SH3RF2: variants seen among roughly 807,000 people sequenced by gnomAD.
The protein encoded by SH3RF2 is SH3 domain containing ring finger 2, also known as E3 ubiquitin-protein ligase SH3RF2.
Under a neutral mutation model 59.0 loss-of-function variants are expected in SH3RF2, and 43 were observed. The ratio of observed to expected loss-of-function variants is 0.73; its 90% CI spans 0.57 to 0.94. The LOEUF (loss-of-function observed/expected upper bound fraction) is 0.94, where lower values mean the gene tolerates loss of function less well. Among genes scored for constraint, SH3RF2 ranks in the 40% least tolerant of loss-of-function variants. The probability of loss-of-function intolerance (pLI) is 0.00; values close to 1 mark genes in which losing one functional copy is unlikely to be tolerated. For synonymous variants in SH3RF2, 391 were observed against 391.5 expected (o/e 1.00, Z 0.01); for missense variants, 930 against 940.1 (o/e 0.99, Z 0.14).
At position 146,013,988 on chromosome 5, in the gene SH3RF2, T is replaced by G. The variant is rs1223986393; in HGVS notation, c.986T>G (p.Ile329Ser). Residue 329 changes from isoleucine to serine, a missense_variant, in exon 5 of 10, where the codon ATC becomes AGC. By Grantham distance (142) the Ile-to-Ser change is moderately radical. Coordinates refer to ENST00000359120, the MANE Select transcript of SH3RF2 (RefSeq NM_152550.4). Reference protein sequence around the residue: ...HMVEISTPVLISSSNPSVITQ... With the variant: ...HMVEISTPVLSSSSNPSVITQ... ...GTAGAGATCAGCACCCCAGTGCTCA[T>G]CAGCTCCAGCAACCCCTCTGTGATC... 6.2e-7 allele frequency: 1 copy of G among 1,614,098 alleles called. No homozygotes were observed. The highest frequency in any genetic ancestry group is 1.7e-5 in the Admixed American group (1 of 60,014).
chr5:145,967,820 C>T (rs115627749), intron 2 of SH3RF2, among the ~76,000 whole-genome samples: 3,036 of 152,096 alleles, frequency 0.02, 45 homozygotes, highest in South Asian at 0.042. Context: ...GCACCACACC[C>T]GGCGAAGTTT....
At chr5:146,056,325 C>T in intron 8 of SH3RF2, 112 bp downstream of exon 8, 1 of 1,478,856 alleles carries the variant, frequency 6.8e-7, no homozygotes. Context: ...AAACTAAGCC[C>T]CTGCAAAGGG....
At chr5:146,044,139 GT>G (rs1184747239) in intron 5 of SH3RF2, among the ~76,000 whole-genome samples, 4 of 147,168 alleles carry the variant, frequency 2.7e-5, no homozygotes, top group African/African-American at 5.0e-5. Context: ...GTCCGTTTTT[GT>G]TTTTTTTTGT....
At chr5:146,046,612 G>GA (rs537856305) in intron 5 of SH3RF2, among the ~76,000 whole-genome samples, 14 of 152,138 alleles carry the variant, frequency 9.2e-5, no homozygotes, top group Non-Finnish European at 1.6e-4. Flanking sequence ...TGAGCATGCA[G>GA]AAATACAATG....
chr5:145,961,334 C>T (rs1394531412), intron 2 of SH3RF2, among the ~76,000 whole-genome samples: 1 of 151,882 alleles, frequency 6.6e-6, no homozygotes, highest in Non-Finnish European at 1.5e-5. Flanking sequence ...TCTTCCTTCT[C>T]GGGAAGGTAC....
intron 5 of SH3RF2, among the ~76,000 whole-genome samples, chr5:146,021,723 G>T (rs934066385): frequency 6.6e-6 from 1 of 152,072 alleles, no homozygotes; most frequent in African/African-American, 2.4e-5. Context: ...TCTCTATTTT[G>T]CCAGAGCCCC....
chr5:146,033,458 T>C (rs1385971695), intron 5 of SH3RF2, among the ~76,000 whole-genome samples: 23 of 54,028 alleles, frequency 4.3e-4, no homozygotes, highest in South Asian at 4.2e-3. Flanking sequence ...TAGCTTTTTT[T>C]TTTTTTTTTT....
At chr5:146,077,791 T>G (rs1358334503) in intron 9 of SH3RF2, among the ~76,000 whole-genome samples, 1 of 152,224 alleles carries the variant, frequency 6.6e-6, no homozygotes, top group South Asian at 2.1e-4. Flanking sequence ...CCTCTTTAGT[T>G]TCCTTTAATG....
chr5:146,037,728 G>T (rs1173147140), intron 5 of SH3RF2, among the ~76,000 whole-genome samples: 1 of 152,202 alleles, frequency 6.6e-6, no homozygotes, highest in African/African-American at 2.4e-5. Flanking sequence ...GACCCAGACA[G>T]ATTTACTGGT....
intron 3 of SH3RF2, among the ~76,000 whole-genome samples, chr5:146,002,492 G>GGAAA (rs1760461584): frequency 6.9e-6 from 1 of 144,094 alleles, no homozygotes; most frequent in Non-Finnish European, 1.5e-5. Flanking sequence ...AAGGAAGGAA[G>GGAAA]GAAGGAAGGA....
At chr5:145,938,397 T>A in intron 2 of SH3RF2, 91 bp downstream of exon 2, 1 of 1,407,100 alleles carries the variant, frequency 7.1e-7, no homozygotes, top group Admixed American at 2.5e-5. Flanking sequence ...TTTAGTTACA[T>A]TCCAGAGTGC....
chr5:145,985,060 G>A (rs928178869), intron 2 of SH3RF2, among the ~76,000 whole-genome samples: 3 of 152,210 alleles, frequency 2.0e-5, no homozygotes, highest in Non-Finnish European at 4.4e-5. Context: ...GGAGGCCAAG[G>A]TGGGAGGATC....
chr5:146,024,420 C>T (rs2962543), intron 5 of SH3RF2, among the ~76,000 whole-genome samples: 132,851 of 152,182 alleles, frequency 0.87, 60,837 homozygotes, highest in East Asian at 1. Context: ...CATCGGGTTT[C>T]CTTATTATTA....
At chr5:146,044,128 G>A (rs80057751) in intron 5 of SH3RF2, among the ~76,000 whole-genome samples, 2,028 of 151,788 alleles carry the variant, frequency 0.013, 58 homozygotes, top group African/African-American at 0.046. Flanking sequence ...TGGTATGATT[G>A]GTCCGTTTTT....
At chr5:146,012,154 G>A (rs1047752553) in intron 4 of SH3RF2, among the ~76,000 whole-genome samples, 10 of 152,196 alleles carry the variant, frequency 6.6e-5, no homozygotes, top group East Asian at 3.9e-4. Context: ...GGTTTTTGTC[G>A]CTGGTTCTGT....
Position 146,077,773 on chromosome 5 carries a change from T to C in SH3RF2, c.*34-687T>C, listed in dbSNP as rs189550894. On this transcript the variant is annotated intron_variant, in intron 9 of 9. Transcript: ENST00000511217. ...TTTCAAGACCACATCTTGCATATAG[T>C]TGTCATACCTCTTTAGTTTCCTTTA... Among the ~76,000 whole-genome samples the C allele has an allele frequency of 3.3e-3, 507 of 152,336 alleles. 7 individuals carry two copies. Among genetic ancestry groups the C allele is most frequent in the Non-Finnish European group, 2.7e-3 (186 of 68,026 alleles).
Position 146,073,629 on chromosome 5 carries a change from AAAATC to A in SH3RF2, c.*34-4828_*34-4824del, listed in dbSNP as rs776530474. ...TCGCAGAATGTTTTCTTCCTGGGCAAAAATCAATGTCACTTCATTCACTTACTCAT... is the reference window on the plus strand; with the variant it reads ...TCGCAGAATGTTTTCTTCCTGGGCAAAATGTCACTTCATTCACTTACTCAT... On this transcript the variant is annotated intron_variant, in intron 9 of 9. Coordinates refer to the SH3RF2 transcript ENST00000511217. Among the ~76,000 whole-genome samples the A allele has an allele frequency of 2.0e-4, 30 of 152,334 alleles. 1 individual carries two copies. In the Middle Eastern group the frequency reaches 0.01, roughly 52 times the overall value.
Position 145,951,564 on chromosome 5 carries a change from T to G in SH3RF2, c.378+13258T>G, listed in dbSNP as rs916985566. 2.0e-5 allele frequency among the ~76,000 whole-genome samples: 3 copies of G among 152,218 alleles called. No homozygotes were observed. In the East Asian group the frequency reaches 5.8e-4, roughly 29 times the overall value. ...CCCTCCTATGCTTCAGTCCTCTCACTGACTTCCCACTGAGAGGCCCACACA... is the reference window on the plus strand; with the variant it reads ...CCCTCCTATGCTTCAGTCCTCTCACGGACTTCCCACTGAGAGGCCCACACA... On this transcript the variant is annotated intron_variant, in intron 2 of 9. Transcript: ENST00000359120.
chr5:145,990,655 T>G (rs952472317), intron 2 of SH3RF2, among the ~76,000 whole-genome samples: 4 of 152,236 alleles, frequency 2.6e-5, no homozygotes, highest in African/African-American at 9.6e-5. Context: ...AAATGATTCC[T>G]CTTGTGGCTT....
Sources: allele counts gnomAD v4.1 joint callset (sites outside exome capture counted in the v4.1 genomes callset), GRCh38; gene constraint gnomAD v4.1.1; transcripts MANE v1.5; gene names NCBI Gene and HGNC (gene_info 2026-07-23, HGNC 2026-07-21).